GBF1: variants seen among roughly 807,000 people sequenced by gnomAD.
GBF1 encodes the protein Golgi-specific brefeldin A-resistance guanine nucleotide exchange factor 1.
Under a neutral mutation model 210.5 loss-of-function variants are expected in GBF1, and 114 were observed. That is an observed-to-expected ratio of 0.54 (90% CI 0.47 to 0.63). The LOEUF (loss-of-function observed/expected upper bound fraction) is 0.63. GBF1 is among the 30% of genes least tolerant of loss of function. The pLI is 0.00. For missense variants in GBF1, 1,851 were observed against 2,357.7 expected (o/e 0.79, Z 4.45); for synonymous variants, 850 against 889.2 (o/e 0.96, Z 0.78).
chr10:102,254,792 C>G (rs2072095772), intron 1 of GBF1, among the ~76,000 whole-genome samples: 1 of 151,608 alleles, frequency 6.6e-6, no homozygotes, highest in Admixed American at 6.6e-5. Context: ...CTTGTTATTT[C>G]TGACACAAGA....
At chr10:102,286,047 A>G (rs960760787) in intron 3 of GBF1, among the ~76,000 whole-genome samples, 6 of 152,086 alleles carry the variant, frequency 3.9e-5, no homozygotes, top group African/African-American at 1.4e-4. Context: ...TTTCCCCACC[A>G]CAATACACAG....
intron 3 of GBF1, among the ~76,000 whole-genome samples, chr10:102,277,672 C>T (rs2075115684): frequency 6.6e-6 from 1 of 152,202 alleles, no homozygotes; most frequent in South Asian, 2.1e-4. Flanking sequence ...AGCCACCGCA[C>T]CCAGCCTATC....
At position 102,263,618 on chromosome 10, in the gene GBF1, A is replaced by G. The variant is rs536305698; in HGVS notation, c.163+3502A>G. On this transcript the variant is annotated intron_variant, in intron 3 of 39. Coordinates refer to ENST00000369983, the MANE Select transcript of GBF1 (RefSeq NM_001377137.1). ...TACTACCTACACTACTCCTCCAGGA[A>G]TATTATCTCATTATTGTGAAGGAAA... Among the ~76,000 whole-genome samples the G allele has an allele frequency of 1.1e-3, 173 of 152,274 alleles. 2 individuals carry two copies. The South Asian group carries it at 0.034, about 30-fold the overall frequency.
chr10:102,252,775 A>C (rs1665003242), intron 1 of GBF1, among the ~76,000 whole-genome samples: 1 of 152,028 alleles, frequency 6.6e-6, no homozygotes, highest in African/African-American at 2.4e-5. Context: ...TGAGCCTGGG[A>C]AGCAGATATT....
intron 4 of GBF1, among the ~76,000 whole-genome samples, chr10:102,348,655 T>C (rs963056086): frequency 6.6e-6 from 1 of 152,210 alleles, no homozygotes; most frequent in African/African-American, 2.4e-5. Flanking sequence ...TAGGAGGAGC[T>C]GGGTCACCCC....
chr10:102,305,312 C>T (rs546481511), intron 3 of GBF1, among the ~76,000 whole-genome samples: 1 of 151,798 alleles, frequency 6.6e-6, no homozygotes, highest in East Asian at 1.9e-4. Flanking sequence ...TTTCTCCTAG[C>T]TATAGAAATT....
chr10:102,260,201 T>G, intron 3 of GBF1, 85 bp downstream of exon 3: 2 of 755,160 alleles, frequency 2.6e-6, no homozygotes, highest in Non-Finnish European at 4.6e-6. Flanking sequence ...ACTTTTTGTA[T>G]AAAGGACTTT....
At chr10:102,270,623 A>C (rs931644641) in intron 3 of GBF1, among the ~76,000 whole-genome samples, 1 of 152,208 alleles carries the variant, frequency 6.6e-6, no homozygotes, top group African/African-American at 2.4e-5. Flanking sequence ...ATAAATTGCA[A>C]ACATGTTGAC....
In GBF1 at chr10:102,382,602, C is replaced by T. The variant is rs2135405782; in HGVS notation, c.*266C>T. On this transcript the variant is annotated 3_prime_UTR_variant, in exon 40 of 40. Coordinates refer to ENST00000369983, the MANE Select transcript of GBF1 (RefSeq NM_001377137.1). ...GTCATCTGCAGCCTCTGCCTCCAGC[C>T]CGGCAGCTCTGGGGAGGCATCCGTG... The T allele has an allele frequency of 2.4e-6, 1 of 421,252 alleles. No homozygotes were observed. The highest frequency in any genetic ancestry group is 3.8e-5 in the East Asian group (1 of 26,618). The allele number at this position is 421,252 out of a possible 1,614,324, so 26.1% of individuals were successfully genotyped here.
At position 102,366,435 on chromosome 10, in the gene GBF1, G is replaced by A; in HGVS notation, c.2362G>A (p.Glu788Lys). The part of the protein sequence containing the change: ...RLDEALRLYL[E>K]AFRLPGEAPV... Reference sequence around the variant, plus strand: ...GGACGAAGCCCTCCGCCTCTACCTGGAAGCCTTCCGTTTGCCTGGGGAAGC... The same window carrying A: ...GGACGAAGCCCTCCGCCTCTACCTGAAAGCCTTCCGTTTGCCTGGGGAAGC... Residue 788 changes from glutamate to lysine, a missense_variant, in exon 19 of 40, where the codon GAA (glutamate) becomes AAA (lysine). Glu to Lys is a moderately conservative substitution (Grantham distance 56, BLOSUM62 1). Transcript: ENST00000369983. This position sits in a 1 kb window ranked among gnomAD's most constrained non-coding sequence, Gnocchi z 4.0. 6.2e-7 allele frequency: 1 copy of A among 1,614,092 alleles called. No homozygotes were observed.
chr10:102,248,408 G>C (rs1178497679), intron 1 of GBF1, among the ~76,000 whole-genome samples: 4 of 152,000 alleles, frequency 2.6e-5, no homozygotes, highest in Non-Finnish European at 1.5e-5. Flanking sequence ...ATTTGTTCTA[G>C]TAGTAGTGGA....
At chr10:102,345,462 C>T (rs368331123) in intron 4 of GBF1, among the ~76,000 whole-genome samples, 5 of 151,010 alleles carry the variant, frequency 3.3e-5, no homozygotes, top group East Asian at 3.9e-4. Flanking sequence ...ACCAGCCTAA[C>T]ATGGTGAAAC....
At chr10:102,344,273 T>A in intron 4 of GBF1, 91 bp downstream of exon 4, 1 of 1,192,562 alleles carries the variant, frequency 8.4e-7, no homozygotes. Context: ...CTGGTGATAG[T>A]GGGAAATTTT....
intron 3 of GBF1, among the ~76,000 whole-genome samples, chr10:102,276,924 G>A (rs2075031236): frequency 6.6e-6 from 1 of 151,776 alleles, no homozygotes; most frequent in South Asian, 2.1e-4. Flanking sequence ...CAAATTTAAA[G>A]GTGCAAGAAT....
Position 102,337,806 on chromosome 10 carries a change from G to A in GBF1, c.164-6245G>A, listed in dbSNP as rs543815421. On this transcript the variant is annotated intron_variant, in intron 3 of 39. Coordinates refer to ENST00000369983, the MANE Select transcript of GBF1 (RefSeq NM_001377137.1). ...CAGGAGGCAGAGGTTGCAGTGAACCGAGATCACACCACTGCACTCCAGCCT... is the reference window on the plus strand; with the variant it reads ...CAGGAGGCAGAGGTTGCAGTGAACCAAGATCACACCACTGCACTCCAGCCT... Among the ~76,000 whole-genome samples, 218 of 150,710 alleles carry A rather than the reference G, an allele frequency of 1.4e-3. 1 individual carries two copies. The highest frequency in any genetic ancestry group is 3.2e-3 in the Admixed American group (49 of 15,194).
intron 3 of GBF1, among the ~76,000 whole-genome samples, chr10:102,318,015 T>C (rs1232730780): frequency 6.6e-6 from 1 of 152,054 alleles, no homozygotes; most frequent in African/African-American, 2.4e-5. Context: ...TTCACGCCAT[T>C]CTCCTGCCTC....
chr10:102,329,334 C>T (rs2057149517), intron 3 of GBF1, among the ~76,000 whole-genome samples: 1 of 152,144 alleles, frequency 6.6e-6, no homozygotes, highest in Non-Finnish European at 1.5e-5. Context: ...AGGAGGGAAC[C>T]TAGGTAAACC....
intron 29 of GBF1, among the ~76,000 whole-genome samples, chr10:102,372,390 C>G (rs1000720665): frequency 8.9e-5 from 13 of 146,158 alleles, no homozygotes; most frequent in African/African-American, 3.1e-4. Flanking sequence ...TGGGGCATGC[C>G]TGTAATCCCA....
chr10:102,346,657 G>A (rs1490706583), intron 4 of GBF1, among the ~76,000 whole-genome samples: 2 of 152,044 alleles, frequency 1.3e-5, no homozygotes, highest in African/African-American at 2.4e-5. Context: ...ATAGGCACAC[G>A]CCACCACACC....
Sources: gnomAD v4.1 joint callset for allele counts (sites outside exome capture counted in the v4.1 genomes callset) on GRCh38, gnomAD v4.1.1 for gene constraint, Gnocchi (gnomAD v3.1) non-coding constraint, MANE v1.5 for transcripts, NCBI Gene and HGNC (gene_info 2026-07-23, HGNC 2026-07-21) for gene names.